DNAH14: variants seen among roughly 807,000 people sequenced by gnomAD.
DNAH14 encodes dynein axonemal heavy chain 14.
Under a neutral mutation model 520.9 loss-of-function variants are expected in DNAH14, and 478 were observed. The observed-to-expected ratio is 0.92, with a 90% CI of 0.85 to 0.99. DNAH14 has a LOEUF of 0.99. DNAH14 is among the 50% of genes least tolerant of loss of function. The pLI, the probability that DNAH14 is intolerant of heterozygous loss-of-function variation, is 0.00. For synonymous variants in DNAH14, 1,581 were observed against 1,757.2 expected (o/e 0.90, Z 2.51); for missense variants, 4,831 against 5,234.5 (o/e 0.92, Z 2.38).
rs2095457276 is a variant in DNAH14 at position 225,358,530 on chromosome 1, C to G, written c.11654C>G (p.Ser3885Ter). Residue 3885 changes from serine (S) to a stop codon, truncating the protein, a stop_gained, in exon 74 of 86, where the codon TCA (serine) becomes TGA (stop). Coordinates refer to ENST00000682510, the MANE Select transcript of DNAH14 (RefSeq NM_001367479.1). LOFTEE classifies it high-confidence loss of function. ...KVLRPESLNN[S>*]VRKFITEKMG... ...CTTAGACCAGAAAGTTTAAACAATT[C>G]AGTGAGAAAGTTTATAACTGAAAAA... 5.2e-6 allele frequency: 8 copies of G among 1,539,480 alleles called. No homozygotes were observed. In the East Asian group the frequency reaches 1.7e-4, roughly 33 times the overall value.
intron 10 of DNAH14, among the ~76,000 whole-genome samples, chr1:225,018,590 A>G (rs974217814): frequency 1.3e-5 from 2 of 152,184 alleles, no homozygotes; most frequent in African/African-American, 4.8e-5. Flanking sequence ...CATCCCCAAG[A>G]CACATAGTCA....
intron 52 of DNAH14, among the ~76,000 whole-genome samples, chr1:225,274,335 G>T (rs1257792643): frequency 2.0e-5 from 3 of 151,102 alleles, no homozygotes; most frequent in African/African-American, 7.3e-5. Context: ...CTCCCGAGTA[G>T]CTGGGACTAC....
intron 73 of DNAH14, among the ~76,000 whole-genome samples, chr1:225,356,695 C>T (rs547268568): frequency 6.6e-6 from 1 of 152,244 alleles, no homozygotes; most frequent in East Asian, 1.9e-4. Context: ...CCACAAGAAA[C>T]AATATATCTG....
intron 8 of DNAH14, among the ~76,000 whole-genome samples, chr1:224,995,169 T>G (rs144669093): frequency 4.6e-5 from 7 of 152,260 alleles, no homozygotes; most frequent in African/African-American, 1.7e-4. Flanking sequence ...TATGTTATCA[T>G]TTAGTGGCTT....
At chr1:225,208,877 G>C (rs1233226755) in intron 41 of DNAH14, among the ~76,000 whole-genome samples, 2 of 152,070 alleles carry the variant, frequency 1.3e-5, no homozygotes, top group African/African-American at 4.8e-5. Context: ...GCAGTCTGCT[G>C]TAAGCCCATT....
intron 17 of DNAH14, among the ~76,000 whole-genome samples, chr1:225,057,990 CT>C (rs772073763): frequency 1.3e-5 from 2 of 151,814 alleles, no homozygotes; most frequent in Admixed American, 1.3e-4. Flanking sequence ...CTAAAATTCT[CT>C]TTTTTTTGTT....
chr1:225,003,540 T>C (rs1371237623), intron 9 of DNAH14, among the ~76,000 whole-genome samples: 1 of 152,024 alleles, frequency 6.6e-6, no homozygotes, highest in African/African-American at 2.4e-5. Context: ...ATTTGAAAAT[T>C]AGCTCGAAAA....
intron 1 of DNAH14, among the ~76,000 whole-genome samples, chr1:224,944,323 T>C (rs1433727921): frequency 6.6e-6 from 1 of 151,834 alleles, no homozygotes; most frequent in Non-Finnish European, 1.5e-5. Flanking sequence ...GCAACCCCTT[T>C]TTTTGTTTTC....
chr1:225,225,044 C>T (rs1270019257), intron 41 of DNAH14, among the ~76,000 whole-genome samples: 1 of 152,182 alleles, frequency 6.6e-6, no homozygotes, highest in Non-Finnish European at 1.5e-5. Context: ...TCAAGCAGAC[C>T]TGCAAGTTAC....
intron 38 of DNAH14, among the ~76,000 whole-genome samples, chr1:225,197,656 T>C (rs2086330313): frequency 6.6e-6 from 1 of 152,228 alleles, no homozygotes; most frequent in Admixed American, 6.5e-5. Context: ...TTTACAATAT[T>C]GATTCTACCC....
At chr1:224,991,672 T>G (rs2063060616) in intron 8 of DNAH14, among the ~76,000 whole-genome samples, 2 of 152,080 alleles carry the variant, frequency 1.3e-5, no homozygotes, top group Non-Finnish European at 2.9e-5. Flanking sequence ...TTTTTTTCTT[T>G]TCAGTAGAGA....
chr1:225,089,636 C>T (rs1437046942), intron 21 of DNAH14, among the ~76,000 whole-genome samples: 1 of 151,836 alleles, frequency 6.6e-6, no homozygotes, highest in South Asian at 2.1e-4. Flanking sequence ...TGTATTATTA[C>T]CAAGAGAGAT....
rs200672263 is a variant in DNAH14, at chr1:224,987,830, GT to G, written c.830+13679del. Among the ~76,000 whole-genome samples the G allele has an allele frequency of 3.9e-3, 589 of 152,186 alleles. 5 individuals carry two copies. The highest frequency in any genetic ancestry group is 0.013 in the African/African-American group (557 of 41,542). ...TTTAGTAGAGATGAGGTTTCACTAT[GT>G]TGGCCAGGCTGGTCTCGAACTCCTG... On this transcript the variant is annotated intron_variant, in intron 8 of 85. Coordinates refer to ENST00000682510, the MANE Select transcript of DNAH14 (RefSeq NM_001367479.1).
intron 38 of DNAH14, among the ~76,000 whole-genome samples, chr1:225,201,842 C>T (rs2086867939): frequency 6.6e-6 from 1 of 151,102 alleles, no homozygotes; most frequent in African/African-American, 2.4e-5. Context: ...GCTTGTTGGC[C>T]TCCTGCCAGG....
At chr1:225,111,147 C>G (rs979711693) in intron 23 of DNAH14, among the ~76,000 whole-genome samples, 3 of 152,042 alleles carry the variant, frequency 2.0e-5, no homozygotes, top group African/African-American at 7.2e-5. Flanking sequence ...GTCTATTGTG[C>G]AGATTAATTC....
At chr1:224,944,190 G>C (rs1232828565) in intron 1 of DNAH14, among the ~76,000 whole-genome samples, 1 of 152,192 alleles carries the variant, frequency 6.6e-6, no homozygotes, top group African/African-American at 2.4e-5. Flanking sequence ...TGTATTGGCT[G>C]CATATATATT....
Position 225,178,818 on chromosome 1 carries a change from G to T in DNAH14, c.5536-6473G>T, listed in dbSNP as rs201600958. Among the ~76,000 whole-genome samples, 3 of 152,062 alleles carry T rather than the reference G, an allele frequency of 2.0e-5. No homozygotes were observed. In the East Asian group the frequency reaches 5.8e-4, roughly 29 times the overall value. ...ATATGGTTTGGCTGTGTCCCCACCC[G>T]TATCTCATCTTGAATTCCCATGTGT... On this transcript the variant is annotated intron_variant, in intron 36 of 85. Coordinates refer to ENST00000682510, the MANE Select transcript of DNAH14 (RefSeq NM_001367479.1).
At chr1:225,239,108 G>A (rs2149621719) in intron 42 of DNAH14, among the ~76,000 whole-genome samples, 1 of 152,278 alleles carries the variant, frequency 6.6e-6, no homozygotes, top group Middle Eastern at 3.4e-3. Context: ...AACTCGTGAG[G>A]TGCCTTGGAA....
intron 8 of DNAH14, among the ~76,000 whole-genome samples, chr1:224,993,633 T>C (rs2125775815): frequency 6.6e-6 from 1 of 152,058 alleles, no homozygotes. Flanking sequence ...AAAACCTAAC[T>C]CTTAGTTTTG....
Sources: gnomAD v4.1 joint callset for allele counts (sites outside exome capture counted in the v4.1 genomes callset) on GRCh38, gnomAD v4.1.1 for gene constraint, MANE v1.5 for transcripts, NCBI Gene and HGNC (gene_info 2026-07-23, HGNC 2026-07-21) for gene names.